The following SUCLG2 variants were observed in gnomAD, a reference collection of about 807,000 sequenced individuals.
SUCLG2 encodes the protein succinate--CoA ligase [GDP-forming] subunit beta, mitochondrial.
In SUCLG2, 42 loss-of-function variants were observed where a neutral mutation model predicts 47.9. The ratio of observed to expected loss-of-function variants is 0.88; its 90% CI spans 0.69 to 1.14. The LOEUF (loss-of-function observed/expected upper bound fraction) is 1.14, where lower values mean the gene tolerates loss of function less well. SUCLG2 is among the 50% of genes most tolerant of loss of function. The pLI is 0.00. For synonymous variants in SUCLG2, 195 were observed against 197.3 expected, an observed-to-expected ratio of 0.99 and a Z score of 0.10; for missense variants, 571 against 525.9, an observed-to-expected ratio of 1.09 and a Z score of -0.84.
rs2107067595 is a variant in SUCLG2 at position 67,498,203 on chromosome 3, G to A, written c.850C>T (p.Pro284Ser). The change falls in exon 8 of 11, where the codon CCC becomes TCC. Residue 284 changes from proline to serine, a missense_variant. Pro to Ser is a moderately conservative substitution (Grantham distance 74). Transcript: ENST00000307227. Reference protein sequence around the residue: ...FAMDDKSENEPIENEAAKYDL... With the variant: ...FAMDDKSENESIENEAAKYDL... ...TATTTGGCAGCTTCATTTTCAATGGGCTCATTCTCTGATTTGTCGTCCATA... is the reference window on the plus strand; with the variant it reads ...TATTTGGCAGCTTCATTTTCAATGGACTCATTCTCTGATTTGTCGTCCATA... The A allele has an allele frequency of 1.2e-6, 2 of 1,613,676 alleles. No homozygotes were observed. Among genetic ancestry groups the A allele is most frequent in the Non-Finnish European group, 1.7e-6 (2 of 1,179,760 alleles).
intron 2 of SUCLG2, among the ~76,000 whole-genome samples, chr3:67,573,778 CT>C (rs1398845408): frequency 6.6e-6 from 1 of 151,336 alleles, no homozygotes; most frequent in African/African-American, 2.4e-5. Flanking sequence ...TTGTTTCCCC[CT>C]TTTTTTTTCT....
chr3:67,470,261 T>A (rs937975660), intron 9 of SUCLG2, among the ~76,000 whole-genome samples: 4 of 152,198 alleles, frequency 2.6e-5, no homozygotes, highest in Non-Finnish European at 5.9e-5. Flanking sequence ...TCATGTGGTA[T>A]TCTCAGGCCC....
At chr3:67,395,771 G>A (rs1702510310) in intron 10 of SUCLG2, among the ~76,000 whole-genome samples, 1 of 152,112 alleles carries the variant, frequency 6.6e-6, no homozygotes, top group Non-Finnish European at 1.5e-5. Flanking sequence ...ATAGTTGGAA[G>A]TAAAGCTCTC....
At chr3:67,462,254 T>A (rs948821885) in intron 9 of SUCLG2, among the ~76,000 whole-genome samples, 2 of 152,036 alleles carry the variant, frequency 1.3e-5, no homozygotes, top group Non-Finnish European at 2.9e-5. Flanking sequence ...AAAAATATAC[T>A]CTAATCTCCC....
At chr3:67,522,019 T>C (rs1193472361) in intron 4 of SUCLG2, among the ~76,000 whole-genome samples, 2 of 147,114 alleles carry the variant, frequency 1.4e-5, no homozygotes, top group South Asian at 2.2e-4. Context: ...TATTTAACCA[T>C]GTTCCTGCAT....
chr3:67,360,864 A>G (rs1342184013), intron 10 of SUCLG2: 1 of 1,001,028 alleles, frequency 1.0e-6, no homozygotes, highest in Non-Finnish European at 1.4e-6. Context: ...TGTTACTCCT[A>G]TTCCTTAATG....
At chr3:67,570,698 T>C (rs1707583674) in intron 2 of SUCLG2, among the ~76,000 whole-genome samples, 1 of 152,190 alleles carries the variant, frequency 6.6e-6, no homozygotes, top group Non-Finnish European at 1.5e-5. Context: ...CTGGCAATAC[T>C]CTGTACATAC....
intron 9 of SUCLG2, among the ~76,000 whole-genome samples, chr3:67,475,412 G>T (rs527705700): frequency 1.3e-5 from 2 of 152,272 alleles, no homozygotes; most frequent in South Asian, 4.1e-4. Flanking sequence ...GATTAAAGGC[G>T]AATCTGTCAC....
intron 9 of SUCLG2, among the ~76,000 whole-genome samples, chr3:67,458,368 G>T (rs1407600136): frequency 6.6e-6 from 1 of 152,136 alleles, no homozygotes. Context: ...TTCTACAGAA[G>T]CATTTATCCA....
In SUCLG2 at chr3:67,648,526, G is replaced by A. The variant is rs868035974; in HGVS notation, c.84+5977C>T. Among the ~76,000 whole-genome samples, 6 of 152,272 alleles carry A rather than the reference G, an allele frequency of 3.9e-5. 1 individual carries two copies. The South Asian group carries it at 8.3e-4, about 21-fold the overall frequency. On this transcript the variant is annotated intron_variant, in intron 1 of 10. Coordinates refer to ENST00000307227, the MANE Select transcript of SUCLG2 (RefSeq NM_003848.4). The stretch of plus-strand genomic sequence containing the variant: ...AGTCCTTTATCAGCATGAGGCGGGT[G>A]ACTCCCTGGCACTGTGATTTTAAGC...
At chr3:67,443,284 C>T (rs1239049483) in intron 9 of SUCLG2, among the ~76,000 whole-genome samples, 2 of 90,964 alleles carry the variant, frequency 2.2e-5, no homozygotes, top group African/African-American at 7.4e-5. Flanking sequence ...AATTAGATCT[C>T]GGACCGCCGG....
At chr3:67,583,848 C>T (rs1044535727) in intron 2 of SUCLG2, among the ~76,000 whole-genome samples, 1 of 152,222 alleles carries the variant, frequency 6.6e-6, no homozygotes, top group Non-Finnish European at 1.5e-5. Context: ...TCTCTTCTGA[C>T]TTCCTCTACT....
chr3:67,500,128 C>T (rs1255757554), intron 7 of SUCLG2, among the ~76,000 whole-genome samples: 1 of 152,178 alleles, frequency 6.6e-6, no homozygotes, highest in Non-Finnish European at 1.5e-5. Context: ...CTGACAGGCA[C>T]CTGACTCTTG....
At chr3:67,542,242 C>A (rs531617949) in intron 2 of SUCLG2, among the ~76,000 whole-genome samples, 3 of 152,012 alleles carry the variant, frequency 2.0e-5, no homozygotes, top group African/African-American at 7.2e-5. Flanking sequence ...GTTTCATAAA[C>A]GAAGGAGAAA....
intron 2 of SUCLG2, among the ~76,000 whole-genome samples, chr3:67,595,665 C>A (rs1010492044): frequency 6.6e-6 from 1 of 152,080 alleles, no homozygotes; most frequent in Non-Finnish European, 1.5e-5. Context: ...TGTGCCTGGG[C>A]CTCTTAGATG....
chr3:67,458,467 C>T (rs2106952134), intron 9 of SUCLG2, among the ~76,000 whole-genome samples: 1 of 152,140 alleles, frequency 6.6e-6, no homozygotes, highest in East Asian at 1.9e-4. Context: ...CACAGCAGTT[C>T]CATTTCTCAT....
intron 9 of SUCLG2, among the ~76,000 whole-genome samples, chr3:67,458,694 C>T (rs969453509): frequency 6.6e-6 from 1 of 152,146 alleles, no homozygotes; most frequent in African/African-American, 2.4e-5. Context: ...GAGAACATCC[C>T]ATCCCAACTG....
At chr3:67,401,107 ATCAT>A (rs1702674931) in intron 9 of SUCLG2, among the ~76,000 whole-genome samples, 1 of 152,196 alleles carries the variant, frequency 6.6e-6, no homozygotes, top group Admixed American at 6.5e-5. Flanking sequence ...GAATTTAATC[ATCAT>A]TCATTCGTCT....
chr3:67,380,868 G>A (rs1341178036), intron 10 of SUCLG2, among the ~76,000 whole-genome samples: 1 of 152,136 alleles, frequency 6.6e-6, no homozygotes, highest in African/African-American at 2.4e-5. Flanking sequence ...CCCTGATGCT[G>A]GCACCATCTC....
Sources: allele counts gnomAD v4.1 joint callset (sites outside exome capture counted in the v4.1 genomes callset), GRCh38; gene constraint gnomAD v4.1.1; transcripts MANE v1.5; gene names NCBI Gene and HGNC (gene_info 2026-07-23, HGNC 2026-07-21).